The following ARHGEF28 variants were observed in gnomAD, a reference collection of about 807,000 sequenced individuals.
The protein encoded by ARHGEF28 is 190 kDa guanine nucleotide exchange factor.
ARHGEF28 carries 152 observed loss-of-function variants against 206.6 expected under a neutral mutation model. That is an observed-to-expected ratio of 0.74 (90% CI 0.64 to 0.84). ARHGEF28 has a LOEUF of 0.84. Ranked by LOEUF, ARHGEF28 falls within the 40% of genes least tolerant of loss-of-function variation. ARHGEF28 has a pLI of 0.00. For missense variants in ARHGEF28, 2,028 were observed against 2,073.2 expected (o/e 0.98, Z 0.42); for synonymous variants, 763 against 776.4 (o/e 0.98, Z 0.29).
chr5:73,760,100 G>T (rs542465556), intron 4 of ARHGEF28, among the ~76,000 whole-genome samples: 9 of 152,274 alleles, frequency 5.9e-5, no homozygotes, highest in African/African-American at 2.2e-4. Context: ...ACTGTGTCCA[G>T]GTCTTACTAA....
In ARHGEF28 at chr5:73,869,229, G is replaced by GT. The variant is rs368798213; in HGVS notation, c.2426-840_2426-839insT. On this transcript the variant is annotated intron_variant, in intron 20 of 35. Transcript: ENST00000513042. ...AGGAGTGTGTGTGTGGGGTGGAGGG[G>GT]GGTGGGGAAGGGCATGTATGTATGT... Among the ~76,000 whole-genome samples the GT allele has an allele frequency of 3.5e-3, 438 of 125,604 alleles. 9 individuals are homozygous for GT. Among genetic ancestry groups the GT allele is most frequent in the Admixed American group, 6.4e-3 (75 of 11,704 alleles). 82.4% of individuals were successfully genotyped at this position (125,604 alleles called of 152,430 possible).
intron 4 of ARHGEF28, among the ~76,000 whole-genome samples, chr5:73,764,667 T>G (rs1278888306): frequency 6.6e-6 from 1 of 152,234 alleles, no homozygotes; most frequent in Non-Finnish European, 1.5e-5. Context: ...GTTTCAGTCC[T>G]CCTCCTCTAC....
intron 2 of ARHGEF28, among the ~76,000 whole-genome samples, chr5:73,714,003 C>A (rs946076898): frequency 6.6e-6 from 1 of 152,054 alleles, no homozygotes; most frequent in Admixed American, 6.5e-5. Flanking sequence ...GGATTTTAGA[C>A]CTAAATAAGA....
At chr5:73,894,372 A>G (rs748818617) in intron 28 of ARHGEF28, 21 bp from the exon 29 acceptor site, 4 of 1,575,684 alleles carry the variant, frequency 2.5e-6, no homozygotes, top group South Asian at 1.2e-5. Context: ...ATAATCTTCT[A>G]TGGTAAATAC....
At chr5:73,808,167 A>C (rs1315468292) in intron 9 of ARHGEF28, among the ~76,000 whole-genome samples, 1 of 152,188 alleles carries the variant, frequency 6.6e-6, no homozygotes, top group Non-Finnish European at 1.5e-5. Flanking sequence ...AATTTTTGAC[A>C]ACAGTGGTTG....
intron 11 of ARHGEF28, 34 bp downstream of exon 11, chr5:73,840,794 A>C: frequency 6.4e-7 from 1 of 1,569,290 alleles, no homozygotes; most frequent in Non-Finnish European, 8.6e-7. Flanking sequence ...AAACTGTAGA[A>C]CATCAAAGAA....
chr5:73,908,110 CATT>C (rs1449410105), intron 33 of ARHGEF28, among the ~76,000 whole-genome samples: 1 of 152,086 alleles, frequency 6.6e-6, no homozygotes, highest in East Asian at 1.9e-4. Flanking sequence ...GGATGATAAT[CATT>C]GTTTTATTTA....
chr5:73,831,971 G>A (rs952532238), intron 9 of ARHGEF28, among the ~76,000 whole-genome samples: 22 of 152,218 alleles, frequency 1.4e-4, no homozygotes, highest in African/African-American at 1.2e-4. Flanking sequence ...GATTACAGGC[G>A]TGAGACACCA....
chr5:73,723,342 C>T (rs1750077460), intron 2 of ARHGEF28, among the ~76,000 whole-genome samples: 1 of 152,172 alleles, frequency 6.6e-6, no homozygotes, highest in Admixed American at 6.5e-5. Flanking sequence ...TGCGTGCCAC[C>T]ACGCCCAGCT....
chr5:73,899,907 A>G (rs1378783143), intron 30 of ARHGEF28: 2 of 152,220 alleles, frequency 1.3e-5, no homozygotes, highest in Non-Finnish European at 2.9e-5. Context: ...CTTCTTTCCC[A>G]TTTGATTTTC....
At chr5:73,741,696 G>A (rs1470227878) in intron 2 of ARHGEF28, among the ~76,000 whole-genome samples, 16 of 151,836 alleles carry the variant, frequency 1.1e-4, no homozygotes, top group Non-Finnish European at 2.2e-4. Context: ...TGGGATTACA[G>A]GCATGAGCCA....
At chr5:73,849,298 A>G in intron 13 of ARHGEF28, 1 of 516,478 alleles carries the variant, frequency 1.9e-6, no homozygotes, top group Non-Finnish European at 3.4e-6. Context: ...GAAATTACAA[A>G]TACATGCACA....
chr5:73,745,061 C>T (rs548856293), intron 2 of ARHGEF28, among the ~76,000 whole-genome samples: 1 of 152,142 alleles, frequency 6.6e-6, no homozygotes, highest in East Asian at 1.9e-4. Flanking sequence ...AAAGATGTAT[C>T]CTTTTTTCTA....
At chr5:73,793,126 A>G (rs777552455) in intron 7 of ARHGEF28, among the ~76,000 whole-genome samples, 8 of 152,220 alleles carry the variant, frequency 5.3e-5, no homozygotes, top group African/African-American at 9.6e-5. Flanking sequence ...GCTAATATGC[A>G]TTATAAATTC....
rs1470565424 is a variant in ARHGEF28, at chr5:73,882,560, T to A, written c.2903T>A (p.Leu968His). ...HKEAVNLFKE[L>H]QQNKKFQNFI... ...GAAGCTGTTAACCTCTTTAAAGAACTCCAGCAGAATAAAAAGTTTCAGAAT... is the reference window on the plus strand; with the variant it reads ...GAAGCTGTTAACCTCTTTAAAGAACACCAGCAGAATAAAAAGTTTCAGAAT... Residue 968 changes from leucine (L) to histidine (H), a missense_variant, in exon 23 of 36, where the codon CTC (leucine) becomes CAC (histidine). By Grantham distance (99) the Leu-to-His change is moderately conservative. Coordinates refer to ENST00000513042, the MANE Select transcript of ARHGEF28 (RefSeq NM_001177693.2). 1 of 1,513,370 alleles carries A rather than the reference T, an allele frequency of 6.6e-7. No homozygotes were observed. The highest frequency in any genetic ancestry group is 8.9e-7 in the Non-Finnish European group (1 of 1,125,360). The allele number at this position is 1,513,370 out of a possible 1,614,324, so 93.7% of individuals were successfully genotyped here. A position where few individuals can be genotyped will look rare whatever the true frequency, so the allele number is the denominator to read the frequency against.
chr5:73,788,887 A>G (rs1044166027), intron 7 of ARHGEF28, among the ~76,000 whole-genome samples: 4 of 152,138 alleles, frequency 2.6e-5, no homozygotes, highest in Admixed American at 1.3e-4. Flanking sequence ...CTTTCTCTCC[A>G]TAATTGAATT....
intron 35 of ARHGEF28, among the ~76,000 whole-genome samples, chr5:73,940,080 G>C (rs1338931943): frequency 6.6e-6 from 1 of 152,156 alleles, no homozygotes; most frequent in East Asian, 1.9e-4. Context: ...TGAGCCTGAG[G>C]GTGAGTGGTC....
intron 2 of ARHGEF28, among the ~76,000 whole-genome samples, chr5:73,704,709 G>A (rs529119146): frequency 1.8e-4 from 28 of 152,264 alleles, no homozygotes; most frequent in African/African-American, 5.3e-4. Flanking sequence ...ACAGGCATGA[G>A]CCACCACACC....
intron 9 of ARHGEF28, among the ~76,000 whole-genome samples, chr5:73,825,183 C>A (rs1756830278): frequency 6.6e-6 from 1 of 152,140 alleles, no homozygotes; most frequent in African/African-American, 2.4e-5. Context: ...GCAAATAAAT[C>A]CCTACTATGC....
Sources: allele counts gnomAD v4.1 joint callset (sites outside exome capture counted in the v4.1 genomes callset), GRCh38; gene constraint gnomAD v4.1.1; transcripts MANE v1.5; gene names NCBI Gene and HGNC (gene_info 2026-07-23, HGNC 2026-07-21).